Variants in CDC14A observed in about 807,000 individuals in gnomAD.
The protein encoded by CDC14A is dual specificity protein phosphatase CDC14A.
A neutral mutation model predicts 74.4 loss-of-function variants in CDC14A; 53 were observed. That is an observed-to-expected ratio of 0.71 (90% CI 0.57 to 0.89). The LOEUF is 0.89. CDC14A is among the 40% of genes least tolerant of loss of function. The pLI is 0.00. For missense variants in CDC14A, 646 were observed against 713.7 expected, an observed-to-expected ratio of 0.91 and a Z score of 1.08; for synonymous variants, 247 against 258.4, an observed-to-expected ratio of 0.96 and a Z score of 0.43.
At chr1:100,437,974 G>T (rs1664531134) in intron 5 of CDC14A, among the ~76,000 whole-genome samples, 1 of 151,946 alleles carries the variant, frequency 6.6e-6, no homozygotes, top group Non-Finnish European at 1.5e-5. Context: ...CAGAGAGTCA[G>T]TGAACTTAGA....
chr1:100,504,810 A>C (rs1323022749), intron 15 of CDC14A: 3 of 1,534,250 alleles, frequency 2.0e-6, no homozygotes, highest in Non-Finnish European at 1.7e-6. Flanking sequence ...TTCTTCTCCC[A>C]CAGTGTTCAT....
chr1:100,473,138 C>G (rs950742864), intron 10 of CDC14A, among the ~76,000 whole-genome samples: 4 of 152,048 alleles, frequency 2.6e-5, no homozygotes, highest in African/African-American at 9.7e-5. Context: ...TGTTAATCCT[C>G]TATATCGATT....
intron 10 of CDC14A, among the ~76,000 whole-genome samples, chr1:100,468,528 T>C (rs1234577741): frequency 2.6e-5 from 4 of 152,188 alleles, no homozygotes. Flanking sequence ...AAACTGCTAA[T>C]GTAGGTACAA....
At chr1:100,505,991 T>C (rs544842531) in intron 15 of CDC14A, among the ~76,000 whole-genome samples, 2 of 152,026 alleles carry the variant, frequency 1.3e-5, no homozygotes, top group East Asian at 3.9e-4. Context: ...CCACCAGATC[T>C]CATGTGAACT....
intron 4 of CDC14A, among the ~76,000 whole-genome samples, chr1:100,422,331 T>C (rs1377105672): frequency 6.6e-6 from 1 of 152,108 alleles, no homozygotes; most frequent in Admixed American, 6.5e-5. Context: ...GGGAGGAAAA[T>C]GCATTTTTGC....
chr1:100,511,679 T>C (rs1174839480), intron 15 of CDC14A, among the ~76,000 whole-genome samples: 1 of 152,198 alleles, frequency 6.6e-6, no homozygotes, highest in Non-Finnish European at 1.5e-5. Context: ...TCTGCCTGCC[T>C]TTCCCTTGTC....
intron 6 of CDC14A, among the ~76,000 whole-genome samples, chr1:100,440,450 C>T (rs1350745808): frequency 6.6e-6 from 1 of 152,104 alleles, no homozygotes; most frequent in African/African-American, 2.4e-5. Flanking sequence ...ATTTGATGCA[C>T]TCCAAAGTTT....
chr1:100,493,606 C>T lies in CDC14A; in HGVS notation c.1138-1212C>T, dbSNP rs952857268. On this transcript the variant is annotated intron_variant, in intron 11 of 15. Transcript: ENST00000336454. ...AAGAGAATCCTCTGTCATGAAGACT[C>T]CATGATCCTGTGACTGTTGAGCTGG... is the stretch of plus-strand genomic sequence containing the variant. Among the ~76,000 whole-genome samples, 8 of 152,330 alleles carry T rather than the reference C, an allele frequency of 5.3e-5. No individual in the cohort carries two copies. In the East Asian group the frequency reaches 1.5e-3, roughly 29 times the overall value.
intron 15 of CDC14A, among the ~76,000 whole-genome samples, chr1:100,516,742 G>A (rs1010874616): frequency 2.0e-5 from 3 of 152,078 alleles, no homozygotes; most frequent in African/African-American, 7.2e-5. Context: ...TGGGCTTCAA[G>A]GCTTTTGACC....
chr1:100,460,911 T>C lies in CDC14A; in HGVS notation c.608-1740T>C, dbSNP rs148873790. Among the ~76,000 whole-genome samples the C allele has an allele frequency of 2.9e-3, 447 of 152,328 alleles. 5 individuals carry two copies. The highest frequency in any genetic ancestry group is 0.01 in the African/African-American group (425 of 41,562). ...CTGGTAAAAGGCAGTTTTTGGAATA[T>C]GTTGGGTAGCTCATAGACTTTAAGA... On this transcript the variant is annotated intron_variant, in intron 8 of 15. Coordinates refer to ENST00000336454, the MANE Select transcript of CDC14A (RefSeq NM_003672.4).
intron 3 of CDC14A, among the ~76,000 whole-genome samples, chr1:100,390,459 G>C (rs1009630625): frequency 2.6e-5 from 4 of 152,132 alleles, no homozygotes; most frequent in African/African-American, 4.8e-5. Flanking sequence ...AGTTAATAGA[G>C]ATGCCAATAT....
At chr1:100,353,960 C>T (rs1287872887) in intron 2 of CDC14A, 108 bp downstream of exon 2, 6 of 663,922 alleles carry the variant, frequency 9.0e-6, no homozygotes, top group South Asian at 3.4e-5. Flanking sequence ...CCCAATGATA[C>T]GAGTAACAAT....
At chr1:100,516,367 G>A (rs865846682) in intron 15 of CDC14A, among the ~76,000 whole-genome samples, 3 of 151,936 alleles carry the variant, frequency 2.0e-5, no homozygotes, top group Non-Finnish European at 4.4e-5. Context: ...AACAAAGGTC[G>A]CTTGTCTAAT....
intron 10 of CDC14A, among the ~76,000 whole-genome samples, chr1:100,474,965 G>A (rs1668747377): frequency 6.6e-6 from 1 of 151,918 alleles, no homozygotes. Flanking sequence ...AATTTGGAAG[G>A]TTTTCAGCTA....
chr1:100,503,262 A>G (rs1336483113), intron 15 of CDC14A, among the ~76,000 whole-genome samples: 1 of 152,222 alleles, frequency 6.6e-6, no homozygotes, highest in Non-Finnish European at 1.5e-5. Context: ...TTCTAGTACT[A>G]CTGAAGATGT....
At chr1:100,390,050 T>C (rs576521766) in intron 3 of CDC14A, among the ~76,000 whole-genome samples, 2 of 152,344 alleles carry the variant, frequency 1.3e-5, no homozygotes, top group African/African-American at 4.8e-5. Context: ...ATGTTGATTA[T>C]TTTGAACTTA....
At chr1:100,413,735 C>T (rs541235228) in intron 4 of CDC14A, among the ~76,000 whole-genome samples, 2 of 152,320 alleles carry the variant, frequency 1.3e-5, no homozygotes, top group South Asian at 4.1e-4. Context: ...CTTCCAGTGA[C>T]AGCAAGAAAA....
chr1:100,504,300 G>T (rs1192095908), intron 15 of CDC14A, among the ~76,000 whole-genome samples: 2 of 152,162 alleles, frequency 1.3e-5, no homozygotes, highest in Non-Finnish European at 2.9e-5. Context: ...GAAGGTTGTA[G>T]GTAATGTCAG....
intron 5 of CDC14A, among the ~76,000 whole-genome samples, chr1:100,433,895 T>C (rs1334894117): frequency 2.0e-5 from 3 of 152,216 alleles, no homozygotes; most frequent in African/African-American, 7.2e-5. Flanking sequence ...TCAAAATTTC[T>C]GAATATTTAA....
Sources: gnomAD v4.1 joint callset for allele counts (sites outside exome capture counted in the v4.1 genomes callset) on GRCh38, gnomAD v4.1.1 for gene constraint, MANE v1.5 for transcripts, NCBI Gene and HGNC (gene_info 2026-07-23, HGNC 2026-07-21) for gene names.